CNKSR2: variants seen among roughly 807,000 people sequenced by gnomAD.
CNKSR2 encodes CNK homolog protein 2.
CNKSR2 carries 14 observed loss-of-function variants against 84.4 expected under a neutral mutation model. The observed-to-expected ratio is 0.17, with a 90% CI of 0.11 to 0.26. The LOEUF (loss-of-function observed/expected upper bound fraction) is 0.26, where lower values mean the gene tolerates loss of function less well. CNKSR2 is among the 10% of genes least tolerant of loss of function. The probability of loss-of-function intolerance (pLI) is 1.00; values close to 1 mark genes in which losing one functional copy is unlikely to be tolerated. For missense variants in CNKSR2, 485 were observed against 771.2 expected, an observed-to-expected ratio of 0.63 and a Z score of 4.40; for synonymous variants, 275 against 277.9, an observed-to-expected ratio of 0.99 and a Z score of 0.10.
intron 13 of CNKSR2, among the ~76,000 whole-genome samples, chrX:21,576,136 G>A (rs536125461): frequency 5.3e-5 from 6 of 112,260 alleles, no homozygotes; most frequent in African/African-American, 9.7e-5. Context: ...ATTTTCAAAT[G>A]TGCATGAGAT....
intron 1 of CNKSR2, chrX:21,423,750 A>G (rs1410030675): frequency 9.0e-6 from 1 of 111,475 alleles, no homozygotes; most frequent in Non-Finnish European, 1.9e-5. Context: ...ATTGAATGCC[A>G]TCTGGGTACT....
Position 21,652,618 on chromosome X carries a change from T to C in CNKSR2, c.*97T>C, listed in dbSNP as rs931532733. On this transcript the variant is annotated 3_prime_UTR_variant, in exon 22 of 22. Transcript: ENST00000379510. Reference sequence around the variant, plus strand: ...AATGTGTGGAACACTTGACAAGCTATACTTTAATGTTACCAAACTATATGA... The same window carrying C: ...AATGTGTGGAACACTTGACAAGCTACACTTTAATGTTACCAAACTATATGA... 4 of 611,186 alleles carry C rather than the reference T, an allele frequency of 6.5e-6. No individual in the cohort carries two copies. In the Admixed American group the frequency reaches 1.2e-4, roughly 18 times the overall value. 50.4% of individuals were successfully genotyped at this position (611,186 alleles called of 1,213,427 possible).
chrX:21,636,988 G>T (rs752229945), intron 20 of CNKSR2, among the ~76,000 whole-genome samples: 1 of 111,706 alleles, frequency 9.0e-6, no homozygotes, highest in Non-Finnish European at 1.9e-5. Context: ...AAAATAAACT[G>T]GTTGTAAATT....
intron 12 of CNKSR2, 144 bp downstream of exon 12, chrX:21,561,704 C>T: frequency 2.2e-6 from 1 of 457,525 alleles, no homozygotes; most frequent in East Asian, 3.8e-5. Flanking sequence ...GTAAGACCAA[C>T]ATTTGACTAT....
At chrX:21,593,305 ACTACT>A (rs1238483390) in intron 15 of CNKSR2, 1 of 112,253 alleles carries the variant, frequency 8.9e-6, no homozygotes, top group African/African-American at 3.2e-5. Context: ...AAAGTTTAAT[ACTACT>A]CTTTTTCATA....
chrX:21,634,094 C>T (rs776819473), intron 20 of CNKSR2, among the ~76,000 whole-genome samples: 1 of 111,874 alleles, frequency 8.9e-6, no homozygotes, highest in Non-Finnish European at 1.9e-5. Context: ...GTCATGTACA[C>T]AACATATTTT....
chrX:21,459,018 C>CTTTT (rs35121561), intron 4 of CNKSR2, among the ~76,000 whole-genome samples: 17 of 88,494 alleles, frequency 1.9e-4, no homozygotes, highest in African/African-American at 4.3e-4. Context: ...ATTCTTCATC[C>CTTTT]TTTTTTTTTT....
In CNKSR2 at chrX:21,539,276, C is replaced by A. The variant is rs1057420326; in HGVS notation, c.1303+7209C>A. On this transcript the variant is annotated intron_variant, in intron 11 of 21. Coordinates refer to ENST00000379510, the MANE Select transcript of CNKSR2 (RefSeq NM_014927.5). Reference sequence around the variant, plus strand: ...TCAGAAATTCCTTCTTAAGCTTGATCTAGTCTATTGTTGAAGTTCTCAGTT... The same window carrying A: ...TCAGAAATTCCTTCTTAAGCTTGATATAGTCTATTGTTGAAGTTCTCAGTT... Among the ~76,000 whole-genome samples the A allele has an allele frequency of 1.2e-3, 139 of 111,275 alleles. 1 individual carries two copies. Among genetic ancestry groups the A allele is most frequent in the Admixed American group, 1.0e-3 (11 of 10,529 alleles).
Position 21,501,810 on chromosome X carries a change from A to G in CNKSR2, c.810+222A>G, listed in dbSNP as rs1478088112. 1.9e-3 allele frequency among the ~76,000 whole-genome samples: 206 copies of G among 110,433 alleles called. 3 individuals carry two copies. The Admixed American group carries it at 0.02, about 11-fold the overall frequency. On this transcript the variant is annotated intron_variant, in intron 8 of 21. Transcript: ENST00000379510. ...TGGTGGTGGTTGAGGTTAGATATACATTTCTGTATGGAAAAGTACTAGATA... is the reference window on the plus strand; with the variant it reads ...TGGTGGTGGTTGAGGTTAGATATACGTTTCTGTATGGAAAAGTACTAGATA...
chrX:21,570,309 T>C (rs2092274506), intron 13 of CNKSR2, among the ~76,000 whole-genome samples: 2 of 112,866 alleles, frequency 1.8e-5, no homozygotes, highest in African/African-American at 3.2e-5. Flanking sequence ...TTACTTCACC[T>C]TGCACTTTTT....
In CNKSR2 at chrX:21,432,398, A is replaced by G. The variant is rs894433932; in HGVS notation, c.229-214A>G. Among the ~76,000 whole-genome samples, 5 of 111,686 alleles carry G rather than the reference A, an allele frequency of 4.5e-5. No individual in the cohort carries two copies. In the East Asian group the frequency reaches 1.4e-3, roughly 31 times the overall value. On this transcript the variant is annotated intron_variant, in intron 2 of 21. Transcript: ENST00000379510. ...AATGCCCTTATCTTTCCATGTTCAT[A>G]TTAGTACTTAACACATTTTATTATA...
chrX:21,401,915 G>A (rs1313072599), intron 1 of CNKSR2, among the ~76,000 whole-genome samples: 2 of 111,430 alleles, frequency 1.8e-5, no homozygotes, highest in Non-Finnish European at 3.8e-5. Context: ...TAGGTTAGAT[G>A]TTATTAACCA....
intron 5 of CNKSR2, among the ~76,000 whole-genome samples, chrX:21,485,461 A>G (rs934751219): frequency 7.2e-5 from 8 of 110,904 alleles, no homozygotes; most frequent in African/African-American, 2.6e-4. Flanking sequence ...ATATATATGT[A>G]TGTGTGTGTG....
At chrX:21,502,119 A>G (rs1299919169) in intron 8 of CNKSR2, among the ~76,000 whole-genome samples, 2 of 104,267 alleles carry the variant, frequency 1.9e-5, no homozygotes, top group Admixed American at 1.0e-4. Flanking sequence ...AAAGAGGACA[A>G]CAGTTTTCAT....
At chrX:21,439,080 G>A (rs2090748514) in intron 3 of CNKSR2, among the ~76,000 whole-genome samples, 1 of 111,263 alleles carries the variant, frequency 9.0e-6, no homozygotes, top group South Asian at 3.7e-4. Flanking sequence ...CTAAGAACAG[G>A]ATGTTTTGAC....
At chrX:21,585,490 T>G (rs1296773631) in intron 13 of CNKSR2, among the ~76,000 whole-genome samples, 4 of 108,612 alleles carry the variant, frequency 3.7e-5, no homozygotes, top group Admixed American at 3.0e-4. Context: ...TGCTGATGGA[T>G]TGGCTATGGG....
At chrX:21,405,147 C>G (rs1289760737) in intron 1 of CNKSR2, among the ~76,000 whole-genome samples, 1 of 111,259 alleles carries the variant, frequency 9.0e-6, no homozygotes, top group African/African-American at 3.3e-5. Flanking sequence ...TTTTTCCTTT[C>G]ATGTGGAATT....
intron 1 of CNKSR2, among the ~76,000 whole-genome samples, chrX:21,379,698 T>G (rs1468612600): frequency 2.7e-5 from 3 of 111,638 alleles, no homozygotes; most frequent in Non-Finnish European, 5.6e-5. Context: ...TTGTTTTAAA[T>G]TAATTATTCT....
At chrX:21,588,548 G>C (rs929676772) in intron 13 of CNKSR2, among the ~76,000 whole-genome samples, 44 of 111,776 alleles carry the variant, frequency 3.9e-4, no homozygotes, top group Non-Finnish European at 1.5e-4. Context: ...TTGAATGATG[G>C]ATAAATCTGT....
Sources: allele counts gnomAD v4.1 joint callset (sites outside exome capture counted in the v4.1 genomes callset), GRCh38; gene constraint gnomAD v4.1.1; transcripts MANE v1.5; gene names NCBI Gene and HGNC (gene_info 2026-07-23, HGNC 2026-07-21).